Variants in IGHMBP2 observed in about 807,000 individuals in gnomAD.
IGHMBP2 encodes DNA-binding protein SMUBP-2.
A neutral mutation model predicts 96.0 loss-of-function variants in IGHMBP2; 81 were observed. That is an observed-to-expected ratio of 0.84 (90% CI 0.71 to 1.01). IGHMBP2 has a LOEUF of 1.01. Ranked by LOEUF, IGHMBP2 falls within the 50% of genes least tolerant of loss-of-function variation. The pLI, the probability that IGHMBP2 is intolerant of heterozygous loss-of-function variation, is 0.00. For missense variants in IGHMBP2, 1,227 were observed against 1,306.3 expected (o/e 0.94, Z 0.94); for synonymous variants, 557 against 548.9 (o/e 1.01, Z -0.21).
intron 13 of IGHMBP2, 149 bp from the exon 14 acceptor site, chr11:68,938,033 G>A: frequency 1.2e-6 from 1 of 809,024 alleles, no homozygotes; most frequent in Non-Finnish European, 2.1e-6. Flanking sequence ...TGAACTCCTG[G>A]CCGCAAGCAG....
chr11:68,921,592 C>T (rs1031788368), intron 7 of IGHMBP2, among the ~76,000 whole-genome samples: 2 of 152,168 alleles, frequency 1.3e-5, no homozygotes, highest in African/African-American at 4.8e-5. Flanking sequence ...ATATATTTTT[C>T]TTATACGCAT....
intron 4 of IGHMBP2, among the ~76,000 whole-genome samples, chr11:68,910,807 C>T (rs2154006894): frequency 6.6e-6 from 1 of 151,416 alleles, no homozygotes; most frequent in Admixed American, 6.6e-5. Context: ...CGCTTGAACC[C>T]AGGAGGCGGA....
chr11:68,915,166 C>CTTTTT lies in IGHMBP2; in HGVS notation c.912+169_912+173dup, dbSNP rs71043470. The CTTTTT allele has an allele frequency of 8.4e-4, 174 of 206,238 alleles. 10 individuals carry two copies. Among genetic ancestry groups the CTTTTT allele is most frequent in the African/African-American group, 2.3e-3 (41 of 18,212 alleles). The allele number at this position is 206,238 out of a possible 1,614,324, so 12.8% of individuals were successfully genotyped here. A position where few individuals can be genotyped will look rare whatever the true frequency, so the allele number is the denominator to read the frequency against. On this transcript the variant is annotated intron_variant, in intron 6 of 14. Coordinates refer to ENST00000255078, the MANE Select transcript of IGHMBP2 (RefSeq NM_002180.3). ...TAATAATTTTAAAAATTGGGCTGCC[C>CTTTTT]TTTTTTTTTTTTTTTTTTTTTTTTT... is the stretch of plus-strand genomic sequence containing the variant.
At chr11:68,927,536 ATG>A (rs557369262) in intron 7 of IGHMBP2, among the ~76,000 whole-genome samples, 23 of 152,298 alleles carry the variant, frequency 1.5e-4, no homozygotes, top group African/African-American at 5.5e-4. Flanking sequence ...AGCCCTGTAC[ATG>A]TGTGTGGCCT....
In IGHMBP2 at chr11:68,908,332, G is replaced by A. The variant is rs752573345; in HGVS notation, c.444G>A (p.Leu148=). 4 of 1,613,688 alleles carry A rather than the reference G, an allele frequency of 2.5e-6. No individual in the cohort carries two copies. The highest frequency in any genetic ancestry group is 1.6e-4 in the Middle Eastern group (1 of 6,062). Residue 148 remains leucine (L), a synonymous_variant, in exon 3 of 15, where the codon CTG becomes CTA. Transcript: ENST00000255078. ...CCAATGATGTCACTTACAGGCGACT[G>A]AAAAAGTAAGTGGATGGGACTGGAA... ...KLANDVTYRR[L]KKALIALKKY...
At position 68,936,674 on chromosome 11, in the gene IGHMBP2, A is replaced by G. The variant is rs750717921; in HGVS notation, c.2194A>G (p.Met732Val). ...SQDGVDHFRA[M>V]IVEFMASKKM... is the part of the protein sequence containing the mutation. ...AGATGGCGTGGACCACTTCCGGGCCATGATAGTGGAGTTCATGGCCAGCAA... is the reference window on the plus strand; with the variant it reads ...AGATGGCGTGGACCACTTCCGGGCCGTGATAGTGGAGTTCATGGCCAGCAA... The change falls in exon 13 of 15, where the codon ATG becomes GTG. Residue 732 changes from methionine (M) to valine (V), a missense_variant. Physicochemically the swap from Met to Val is conservative, Grantham distance 21. Transcript: ENST00000255078. The G allele has an allele frequency of 1.9e-5, 30 of 1,613,948 alleles. No homozygotes were observed. In the East Asian group the frequency reaches 4.5e-4, roughly 24 times the overall value.
At chr11:68,904,074 G>C in intron 1 of IGHMBP2, 36 bp downstream of exon 1, 1 of 1,511,046 alleles carries the variant, frequency 6.6e-7, no homozygotes, top group Non-Finnish European at 9.0e-7. Flanking sequence ...CCTCGCGGTC[G>C]GTCCCGCCGT....
At chr11:68,937,786 T>C (rs1169681152) in intron 13 of IGHMBP2, 2 of 259,058 alleles carry the variant, frequency 7.7e-6, no homozygotes, top group African/African-American at 2.2e-5. Flanking sequence ...CACCAGCACA[T>C]GGGTGGCTTT....
At chr11:68,914,236 G>A (rs749831621) in intron 5 of IGHMBP2, among the ~76,000 whole-genome samples, 12 of 151,958 alleles carry the variant, frequency 7.9e-5, no homozygotes, top group Non-Finnish European at 1.2e-4. Context: ...CTATTGAGCC[G>A]GTTTCTCCAT....
At chr11:68,933,701 G>C (rs1383601377) in intron 9 of IGHMBP2, 94 bp from the exon 10 acceptor site, 2 of 1,108,538 alleles carry the variant, frequency 1.8e-6, no homozygotes, top group African/African-American at 3.1e-5. Context: ...CCCTACCTAA[G>C]CCTTTTCCTC....
At chr11:68,906,007 C>T in intron 1 of IGHMBP2, 62 bp from the exon 2 acceptor site, 2 of 1,491,374 alleles carry the variant, frequency 1.3e-6, no homozygotes, top group Non-Finnish European at 1.9e-6. Flanking sequence ...TTTACTTTTC[C>T]TGGGTGGGTG....
chr11:68,921,217 C>G (rs1858865270), intron 7 of IGHMBP2, among the ~76,000 whole-genome samples: 1 of 150,450 alleles, frequency 6.6e-6, no homozygotes, highest in African/African-American at 2.4e-5. Context: ...TCACTATGCC[C>G]CATGATTGAA....
At chr11:68,905,505 T>TG (rs1273271826) in intron 1 of IGHMBP2, among the ~76,000 whole-genome samples, 1 of 152,182 alleles carries the variant, frequency 6.6e-6, no homozygotes, top group Non-Finnish European at 1.5e-5. Flanking sequence ...TTTCTGAGGA[T>TG]GCTGAGCAGA....
At chr11:68,921,165 A>G (rs1769227439) in intron 7 of IGHMBP2, among the ~76,000 whole-genome samples, 3 of 122,766 alleles carry the variant, frequency 2.4e-5, no homozygotes, top group African/African-American at 6.3e-5. Flanking sequence ...GCTTTCTTTT[A>G]ATTAATTAAT....
chr11:68,912,332 A>G, intron 5 of IGHMBP2, among the ~76,000 whole-genome samples: 1 of 151,954 alleles, frequency 6.6e-6, no homozygotes, highest in Non-Finnish European at 1.5e-5. Flanking sequence ...GAGTTTCACC[A>G]CATTGGCCAG....
At chr11:68,929,382 C>G (rs1257588119) in intron 8 of IGHMBP2, 25 bp downstream of exon 8, 2 of 1,602,346 alleles carry the variant, frequency 1.2e-6, no homozygotes, top group Non-Finnish European at 1.7e-6. Flanking sequence ...CCTCACATGC[C>G]CTTCTCTGCC....
At chr11:68,934,397 C>A in intron 10 of IGHMBP2, 67 bp from the exon 11 acceptor site, 1 of 1,110,396 alleles carries the variant, frequency 9.0e-7, no homozygotes, top group Non-Finnish European at 1.3e-6. Flanking sequence ...GCCCGAAACA[C>A]GTGTTGGTGG....
intron 1 of IGHMBP2, 91 bp downstream of exon 1, chr11:68,904,129 C>A: frequency 1.8e-6 from 2 of 1,101,450 alleles, no homozygotes; most frequent in Non-Finnish European, 2.7e-6. Context: ...TAGTCTGGGG[C>A]GGGAATTTCG....
intron 7 of IGHMBP2, among the ~76,000 whole-genome samples, chr11:68,923,204 T>G (rs1858942386): frequency 6.6e-6 from 1 of 152,108 alleles, no homozygotes; most frequent in African/African-American, 2.4e-5. Context: ...TTTTTTGTTT[T>G]TTTGTTTTGT....
Sources: gnomAD v4.1 joint callset for allele counts (sites outside exome capture counted in the v4.1 genomes callset) on GRCh38, gnomAD v4.1.1 for gene constraint, MANE v1.5 for transcripts, NCBI Gene and HGNC (gene_info 2026-07-23, HGNC 2026-07-21) for gene names.